Variants in GTF2B observed in about 807,000 individuals in gnomAD.
GTF2B encodes the protein general transcription factor IIB, also known as transcription initiation factor IIB.
GTF2B carries 20 observed loss-of-function variants against 34.6 expected under a neutral mutation model. The observed-to-expected ratio is 0.58, with a 90% CI of 0.41 to 0.84. The LOEUF is 0.84. Ranked by LOEUF, GTF2B falls within the 40% of genes least tolerant of loss-of-function variation. The pLI, the probability that GTF2B is intolerant of heterozygous loss-of-function variation, is 0.00. For synonymous variants in GTF2B, 142 were observed against 132.4 expected, an observed-to-expected ratio of 1.07 and a Z score of -0.50; for missense variants, 237 against 393.3, an observed-to-expected ratio of 0.60 and a Z score of 3.36.
chr1:88,861,651 C>T (rs1032007330), intron 3 of GTF2B, among the ~76,000 whole-genome samples: 6 of 151,922 alleles, frequency 3.9e-5, no homozygotes, highest in Admixed American at 6.6e-5. Context: ...GTGACAAGCG[C>T]GAAACTCTGT....
At chr1:88,887,165 C>T in intron 2 of GTF2B, 96 bp downstream of exon 2, 1 of 714,042 alleles carries the variant, frequency 1.4e-6, no homozygotes, top group South Asian at 1.6e-5. Flanking sequence ...GTGATCCTCC[C>T]ACCTTGGCCT....
chr1:88,881,118 G>A (rs1304666283), intron 2 of GTF2B, among the ~76,000 whole-genome samples: 4 of 147,218 alleles, frequency 2.7e-5, no homozygotes, highest in African/African-American at 1.0e-4. Context: ...TAGAATATGA[G>A]TTTGGCCAGA....
At chr1:88,871,914 G>C (rs952747153) in intron 2 of GTF2B, among the ~76,000 whole-genome samples, 2 of 151,824 alleles carry the variant, frequency 1.3e-5, no homozygotes, top group African/African-American at 4.8e-5. Context: ...TGTATTTTTA[G>C]TAGAGACAGG....
intron 2 of GTF2B, among the ~76,000 whole-genome samples, chr1:88,885,176 C>T (rs1420342973): frequency 3.9e-5 from 6 of 152,230 alleles, no homozygotes; most frequent in African/African-American, 1.4e-4. Context: ...TGGTGGCTTA[C>T]ACCTGTAATC....
intron 2 of GTF2B, among the ~76,000 whole-genome samples, chr1:88,877,211 T>C (rs1057288033): frequency 4.6e-5 from 7 of 152,206 alleles, no homozygotes. Context: ...ATAAACAATA[T>C]GCAGAATGAG....
intron 2 of GTF2B, among the ~76,000 whole-genome samples, chr1:88,883,093 T>G (rs1187801006): frequency 1.3e-5 from 2 of 152,232 alleles, no homozygotes; most frequent in Non-Finnish European, 2.9e-5. Context: ...AATTTGACAT[T>G]ACTTATGATT....
chr1:88,862,446 G>A (rs751176912), intron 3 of GTF2B, among the ~76,000 whole-genome samples: 3 of 152,316 alleles, frequency 2.0e-5, no homozygotes, highest in Admixed American at 6.5e-5. Flanking sequence ...GGAGGCTGAA[G>A]TGGAAGGATC....
intron 2 of GTF2B, among the ~76,000 whole-genome samples, chr1:88,877,614 C>A (rs12401789): frequency 0.023 from 3,455 of 152,216 alleles, 107 homozygotes; most frequent in African/African-American, 0.066. Flanking sequence ...TGGGAAAAAA[C>A]CCCCACAAAA....
intron 2 of GTF2B, among the ~76,000 whole-genome samples, chr1:88,884,664 T>C (rs1674023282): frequency 6.6e-6 from 1 of 151,986 alleles, no homozygotes; most frequent in African/African-American, 2.4e-5. Context: ...GAAAAAATTC[T>C]GTTGTGTTAA....
At chr1:88,868,402 T>C (rs190460976) in intron 2 of GTF2B, among the ~76,000 whole-genome samples, 2 of 150,864 alleles carry the variant, frequency 1.3e-5, no homozygotes, top group African/African-American at 4.9e-5. Flanking sequence ...TACTATAATA[T>C]ATATGCACGA....
chr1:88,877,351 A>G (rs1023158415), intron 2 of GTF2B, among the ~76,000 whole-genome samples: 3 of 152,224 alleles, frequency 2.0e-5, no homozygotes, highest in Non-Finnish European at 4.4e-5. Flanking sequence ...TACACAAAAA[A>G]GTGGCTTTAA....
chr1:88,857,690 C>CGTTTTTTTTTTTTT (rs1369129929), intron 5 of GTF2B, among the ~76,000 whole-genome samples: 2 of 5,664 alleles, frequency 3.5e-4, no homozygotes, highest in Non-Finnish European at 1.0e-3. Context: ...GTTCATCACA[C>CGTTTTTTTTTTTTT]CTTTTTTTTT....
At chr1:88,853,528 G>A (rs1673236353) in intron 6 of GTF2B, among the ~76,000 whole-genome samples, 182 bp from the exon 7 acceptor site, 1 of 152,212 alleles carries the variant, frequency 6.6e-6, no homozygotes, top group South Asian at 2.1e-4. Context: ...AGCTAGGCCG[G>A]GCGCAGTGGC....
intron 2 of GTF2B, among the ~76,000 whole-genome samples, chr1:88,870,611 T>G (rs1333005391): frequency 2.6e-5 from 4 of 152,222 alleles, no homozygotes; most frequent in African/African-American, 9.6e-5. Context: ...TCACTTTTAA[T>G]AGACTATTAA....
Position 88,885,461 on chromosome 1 carries a change from A to AT in GTF2B, c.124+1799_124+1800insA, listed in dbSNP as rs1314632389. Among the ~76,000 whole-genome samples, 6 of 139,776 alleles carry AT rather than the reference A, an allele frequency of 4.3e-5. No homozygotes were observed. The Admixed American group carries it at 4.3e-4, about 10-fold the overall frequency. 91.7% of individuals were successfully genotyped at this position (139,776 alleles called of 152,430 possible). A position where few individuals can be genotyped will look rare whatever the true frequency, so the allele number is the denominator to read the frequency against. On this transcript the variant is annotated intron_variant, in intron 2 of 6. Coordinates refer to ENST00000370500, the MANE Select transcript of GTF2B (RefSeq NM_001514.6). ...AGCGAAACTCTGTATCAAAAAAAAA[A>AT]CTTTGGCCAGGCGCAGTGGCTCACG...
At chr1:88,882,326 A>C (rs563400389) in intron 2 of GTF2B, among the ~76,000 whole-genome samples, 21 of 151,018 alleles carry the variant, frequency 1.4e-4, no homozygotes, top group African/African-American at 4.4e-4. Context: ...AAAAAAAAAA[A>C]AAAAAAAAAA....
intron 2 of GTF2B, among the ~76,000 whole-genome samples, chr1:88,865,408 G>C (rs1193130186): frequency 6.6e-6 from 1 of 152,156 alleles, no homozygotes; most frequent in Non-Finnish European, 1.5e-5. Context: ...GGGATGATAA[G>C]GGAGACGCAT....
intron 2 of GTF2B, among the ~76,000 whole-genome samples, chr1:88,865,632 G>A (rs12406846): frequency 0.017 from 2,563 of 152,198 alleles, 59 homozygotes; most frequent in African/African-American, 0.046. Context: ...CAGGCGGGCT[G>A]TCACCTGGTT....
At chr1:88,882,648 A>G (rs1673976787) in intron 2 of GTF2B, among the ~76,000 whole-genome samples, 1 of 152,246 alleles carries the variant, frequency 6.6e-6, no homozygotes. Context: ...CTCTATCAAA[A>G]TCAATGACAA....
Sources: gnomAD v4.1 joint callset for allele counts (sites outside exome capture counted in the v4.1 genomes callset) on GRCh38, gnomAD v4.1.1 for gene constraint, MANE v1.5 for transcripts, NCBI Gene and HGNC (gene_info 2026-07-23, HGNC 2026-07-21) for gene names.